The following UBE2E2 variants were observed in gnomAD, a reference collection of about 807,000 sequenced individuals.
UBE2E2 encodes the protein ubiquitin conjugating enzyme E2 E2.
UBE2E2 carries 6 observed loss-of-function variants against 24.7 expected under a neutral mutation model. The observed-to-expected ratio is 0.24, with a 90% CI of 0.13 to 0.48. The LOEUF (loss-of-function observed/expected upper bound fraction) is 0.48, where lower values mean the gene tolerates loss of function less well. Ranked by LOEUF, UBE2E2 falls within the 20% of genes least tolerant of loss-of-function variation. UBE2E2 has a pLI of 0.99. For synonymous variants in UBE2E2, 104 were observed against 83.6 expected (o/e 1.24, Z -1.33); for missense variants, 169 against 245.0 (o/e 0.69, Z 2.07).
chr3:23,287,616 C>G (rs1698650680), intron 3 of UBE2E2, among the ~76,000 whole-genome samples: 2 of 152,110 alleles, frequency 1.3e-5, no homozygotes, highest in African/African-American at 4.8e-5. Flanking sequence ...CTGGTCTGTT[C>G]AGGTTTTGGA....
chr3:23,483,863 C>T (rs1331588574), intron 3 of UBE2E2, among the ~76,000 whole-genome samples: 1 of 152,134 alleles, frequency 6.6e-6, no homozygotes, highest in Non-Finnish European at 1.5e-5. Context: ...CTTTTTAAAG[C>T]AGTGGACTCC....
intron 4 of UBE2E2, among the ~76,000 whole-genome samples, chr3:23,508,488 AG>A (rs1029356081): frequency 2.6e-5 from 4 of 152,204 alleles, no homozygotes; most frequent in African/African-American, 9.7e-5. Context: ...CTAATTTTAA[AG>A]AAGGACCTTT....
chr3:23,281,557 G>A (rs138450119), intron 3 of UBE2E2, among the ~76,000 whole-genome samples: 8 of 152,210 alleles, frequency 5.3e-5, no homozygotes, highest in African/African-American at 1.9e-4. Context: ...AGGATTGCCT[G>A]AGCCCAGGAG....
intron 3 of UBE2E2, among the ~76,000 whole-genome samples, chr3:23,466,921 A>C (rs1053736605): frequency 5.3e-5 from 8 of 152,292 alleles, no homozygotes; most frequent in African/African-American, 1.9e-4. Flanking sequence ...ATTATTTGCC[A>C]GCTCCTTCAC....
rs189803617 is a variant in UBE2E2, at chr3:23,389,852, G to A, written c.228-109756G>A. 1.3e-4 allele frequency: 21 copies of A among 161,948 alleles called. No individual in the cohort carries two copies. The East Asian group carries it at 3.4e-3, about 26-fold the overall frequency. 10.0% of individuals were successfully genotyped at this position (161,948 alleles called of 1,614,324 possible). On this transcript the variant is annotated intron_variant, in intron 3 of 5. Coordinates refer to ENST00000396703, the MANE Select transcript of UBE2E2 (RefSeq NM_152653.4). ...GGTCTGTCACAGTCCTGACCACCCA[G>A]TGCCTCAGTTGCAGTTCCCAGTTCA... is the stretch of plus-strand genomic sequence containing the variant.
At chr3:23,385,557 A>C (rs1448247272) in intron 3 of UBE2E2, among the ~76,000 whole-genome samples, 1 of 152,206 alleles carries the variant, frequency 6.6e-6, no homozygotes, top group Admixed American at 6.5e-5. Flanking sequence ...TGTTAATGTC[A>C]GGTGTATCTC....
chr3:23,227,480 A>G (rs1696858683), intron 3 of UBE2E2, among the ~76,000 whole-genome samples: 1 of 152,224 alleles, frequency 6.6e-6, no homozygotes, highest in Non-Finnish European at 1.5e-5. Flanking sequence ...GGAGTTATTA[A>G]CATGATAAAA....
At chr3:23,431,728 C>T (rs1257229425) in intron 3 of UBE2E2, among the ~76,000 whole-genome samples, 2 of 152,146 alleles carry the variant, frequency 1.3e-5, no homozygotes, top group Non-Finnish European at 2.9e-5. Context: ...TTTTTAGCCT[C>T]TGAAAACCAC....
intron 3 of UBE2E2, among the ~76,000 whole-genome samples, chr3:23,366,976 A>T (rs1325355936): frequency 6.6e-6 from 1 of 152,158 alleles, no homozygotes; most frequent in African/African-American, 2.4e-5. Flanking sequence ...TTTACAAAAA[A>T]ATAGTAAATT....
At chr3:23,241,525 C>G (rs1289119374) in intron 3 of UBE2E2, among the ~76,000 whole-genome samples, 5 of 152,102 alleles carry the variant, frequency 3.3e-5, no homozygotes, top group African/African-American at 1.2e-4. Flanking sequence ...GGCCTCTTCC[C>G]TGTCCCTCAA....
intron 2 of UBE2E2, among the ~76,000 whole-genome samples, chr3:23,213,811 G>A (rs1696392725): frequency 6.6e-6 from 1 of 152,134 alleles, no homozygotes; most frequent in African/African-American, 2.4e-5. Flanking sequence ...AGAGAATTCT[G>A]TGAGATTTAC....
At chr3:23,530,072 T>C (rs1449135337) in intron 4 of UBE2E2, among the ~76,000 whole-genome samples, 1 of 152,216 alleles carries the variant, frequency 6.6e-6, no homozygotes, top group East Asian at 1.9e-4. Flanking sequence ...TTTTTCAGTT[T>C]CCAAACATAT....
chr3:23,535,335 C>T (rs1054006412), intron 5 of UBE2E2, among the ~76,000 whole-genome samples: 1 of 152,040 alleles, frequency 6.6e-6, no homozygotes, highest in Non-Finnish European at 1.5e-5. Context: ...AATAGGTGAC[C>T]GATAAACACC....
chr3:23,419,959 GT>G (rs1165903972), intron 3 of UBE2E2, among the ~76,000 whole-genome samples: 1 of 152,104 alleles, frequency 6.6e-6, no homozygotes, highest in Non-Finnish European at 1.5e-5. Flanking sequence ...CTACTGTTGG[GT>G]GTGGGACAAA....
chr3:23,286,860 TC>T (rs1698626632), intron 3 of UBE2E2, among the ~76,000 whole-genome samples: 1 of 152,216 alleles, frequency 6.6e-6, no homozygotes, highest in African/African-American at 2.4e-5. Context: ...AGCTTTCACT[TC>T]TTAGATTAAG....
chr3:23,252,921 C>A (rs1326433870), intron 3 of UBE2E2, among the ~76,000 whole-genome samples: 1 of 152,150 alleles, frequency 6.6e-6, no homozygotes, highest in Non-Finnish European at 1.5e-5. Flanking sequence ...GATTAATCAG[C>A]TTGTAAAGAG....
chr3:23,374,820 T>A (rs1275878114), intron 3 of UBE2E2, among the ~76,000 whole-genome samples: 4 of 152,164 alleles, frequency 2.6e-5, no homozygotes, highest in African/African-American at 9.7e-5. Flanking sequence ...ATTTATTTTT[T>A]TGAGATAGGG....
intron 4 of UBE2E2, among the ~76,000 whole-genome samples, chr3:23,510,298 A>G (rs1694564709): frequency 6.6e-6 from 1 of 152,194 alleles, no homozygotes; most frequent in South Asian, 2.1e-4. Context: ...ACAGTCAACA[A>G]AAATTATAAA....
intron 3 of UBE2E2, chr3:23,449,764 A>G (rs531152493): frequency 1.6e-6 from 1 of 624,978 alleles, no homozygotes; most frequent in African/African-American, 2.0e-5. Flanking sequence ...GTTTTGAATT[A>G]ACTAAATAAT....
Sources: allele counts gnomAD v4.1 joint callset (sites outside exome capture counted in the v4.1 genomes callset), GRCh38; gene constraint gnomAD v4.1.1; transcripts MANE v1.5; gene names NCBI Gene and HGNC (gene_info 2026-07-23, HGNC 2026-07-21).